The following ARHGEF4 variants were observed in gnomAD, a reference collection of about 807,000 sequenced individuals.
ARHGEF4 encodes the protein APC-stimulated guanine nucleotide exchange factor 1.
Under a neutral mutation model 162.0 loss-of-function variants are expected in ARHGEF4, and 119 were observed. The observed-to-expected ratio is 0.73, with a 90% CI of 0.63 to 0.86. ARHGEF4 has a LOEUF of 0.86. Ranked by LOEUF, ARHGEF4 falls within the 40% of genes least tolerant of loss-of-function variation. The probability of loss-of-function intolerance (pLI) is 0.00; values close to 1 mark genes in which losing one functional copy is unlikely to be tolerated. For missense variants in ARHGEF4, 2,488 were observed against 2,456.0 expected, an observed-to-expected ratio of 1.01 and a Z score of -0.28; for synonymous variants, 1,014 against 979.9, an observed-to-expected ratio of 1.03 and a Z score of -0.65.
At chr2:130,851,367 C>G (rs1198324489) in intron 1 of ARHGEF4, among the ~76,000 whole-genome samples, 1 of 152,272 alleles carries the variant, frequency 6.6e-6, no homozygotes, top group Admixed American at 6.5e-5. Context: ...TGCTGGTGCT[C>G]ACACTGTTGT....
intron 1 of ARHGEF4, among the ~76,000 whole-genome samples, chr2:130,889,694 C>G (rs1679739424): frequency 6.6e-6 from 1 of 151,248 alleles, no homozygotes; most frequent in African/African-American, 2.4e-5. Context: ...CATCTGTAAT[C>G]CCAGCTACTC....
Position 130,852,665 on chromosome 2 carries a change from CAGG to C in ARHGEF4, c.39+15679_39+15681del, listed in dbSNP as rs548501639. ...ACGATGTGCAGAACTCCAAGAGTCT[CAGG>C]AGGAGACCGCAGGATGGGAGAGAGA... On this transcript the variant is annotated intron_variant, in intron 1 of 13. Coordinates refer to ENST00000409359, the MANE Select transcript of ARHGEF4 (RefSeq NM_001367493.1). Among the ~76,000 whole-genome samples the C allele has an allele frequency of 4.6e-5, 7 of 152,324 alleles. No homozygotes were observed. The East Asian group carries it at 1.4e-3, about 29-fold the overall frequency.
At chr2:130,853,694 C>G (rs1681571030) in intron 1 of ARHGEF4, among the ~76,000 whole-genome samples, 1 of 152,218 alleles carries the variant, frequency 6.6e-6, no homozygotes, top group Non-Finnish European at 1.5e-5. Context: ...ATGGTGCGGT[C>G]TGCCCCTCTC....
In ARHGEF4 at chr2:130,916,737, C is replaced by T. The variant is rs1273859150; in HGVS notation, c.2791C>T (p.His931Tyr). Residue 931 changes from histidine (H) to tyrosine (Y), a missense_variant, in exon 2 of 14, where the codon CAT becomes TAT. By Grantham distance (83) the His-to-Tyr change is moderately conservative (BLOSUM62 2). Around this residue, in one of 6 missense-constraint regions of ARHGEF4, gnomAD observed 1,642 missense variants for 1,481.5 expected, o/e 1.11. Coordinates refer to ENST00000409359, the MANE Select transcript of ARHGEF4 (RefSeq NM_001367493.1). Reference protein sequence around the residue: ...ESIVLEKENTHERSPSSPKGE... With the variant: ...ESIVLEKENTYERSPSSPKGE... Reference sequence around the variant, plus strand: ...AATAGTTCTAGAGAAAGAGAACACCCATGAACGTTCCCCAAGTTCTCCCAA... The same window carrying T: ...AATAGTTCTAGAGAAAGAGAACACCTATGAACGTTCCCCAAGTTCTCCCAA... 3 of 1,550,678 alleles carry T rather than the reference C, an allele frequency of 1.9e-6. No individual in the cohort carries two copies. In the Admixed American group the frequency reaches 5.9e-5, roughly 30 times the overall value.
chr2:131,007,800 CTTTTTTTTTTT>C (rs70994731), intron 4 of ARHGEF4, among the ~76,000 whole-genome samples: 2 of 55,920 alleles, frequency 3.6e-5, no homozygotes, highest in African/African-American at 1.6e-4. Context: ...CTTTTCTTTT[CTTTTTTTTTTT>C]TTTTTTTTTT....
intron 1 of ARHGEF4, among the ~76,000 whole-genome samples, chr2:130,841,843 T>G (rs1372317980): frequency 5.9e-5 from 9 of 152,204 alleles, no homozygotes; most frequent in Non-Finnish European, 7.3e-5. Context: ...AGTTTCACTT[T>G]GTGGAGCCAC....
chr2:130,899,423 C>T (rs1315493612), intron 1 of ARHGEF4, among the ~76,000 whole-genome samples: 1 of 152,156 alleles, frequency 6.6e-6, no homozygotes, highest in African/African-American at 2.4e-5. Context: ...CAGGGCAGTT[C>T]CCTGGAGGAA....
rs1264939470 is a variant in ARHGEF4, at chr2:131,016,037, CCTT to C, written c.3986-11904_3986-11902del. On this transcript the variant is annotated intron_variant, in intron 4 of 13. Transcript: ENST00000409359. Reference sequence around the variant, plus strand: ...CCCCGGGAGCCTCACCTCTCACCCTCCTTCTTGCTTCTCACTCTACTCCAGCCA... The same window carrying C: ...CCCCGGGAGCCTCACCTCTCACCCTCCTTGCTTCTCACTCTACTCCAGCCA... Among the ~76,000 whole-genome samples, 4 of 152,132 alleles carry C rather than the reference CCTT, an allele frequency of 2.6e-5. No homozygotes were observed. The East Asian group carries it at 7.7e-4, about 29-fold the overall frequency.
chr2:131,025,556 T>C (rs780077474), intron 4 of ARHGEF4, among the ~76,000 whole-genome samples: 5 of 152,248 alleles, frequency 3.3e-5, no homozygotes, highest in Non-Finnish European at 7.3e-5. Context: ...TGTTCAAGTG[T>C]TCATCCTTCC....
intron 3 of ARHGEF4, among the ~76,000 whole-genome samples, chr2:130,941,267 C>T (rs867882173): frequency 4.0e-5 from 6 of 149,240 alleles, no homozygotes; most frequent in East Asian, 2.0e-4. Flanking sequence ...AGTGCAGTGG[C>T]GTGATCTCAG....
intron 4 of ARHGEF4, among the ~76,000 whole-genome samples, chr2:130,968,079 A>G (rs1685116042): frequency 6.6e-6 from 1 of 152,184 alleles, no homozygotes; most frequent in Non-Finnish European, 1.5e-5. Context: ...AGGTCAGACT[A>G]ATACAGTGTA....
chr2:130,883,050 C>A (rs1388379221), intron 1 of ARHGEF4, among the ~76,000 whole-genome samples: 1 of 152,058 alleles, frequency 6.6e-6, no homozygotes, highest in Non-Finnish European at 1.5e-5. Flanking sequence ...ATCTCCTGTC[C>A]CCTTTCTACC....
At chr2:130,937,736 C>T (rs927396492) in intron 3 of ARHGEF4, among the ~76,000 whole-genome samples, 4 of 149,630 alleles carry the variant, frequency 2.7e-5, no homozygotes, top group Non-Finnish European at 4.4e-5. Context: ...GGTGCGATCT[C>T]GGCTCACTGC....
intron 4 of ARHGEF4, among the ~76,000 whole-genome samples, chr2:131,024,739 TA>T (rs1044948673): frequency 2.6e-5 from 4 of 152,188 alleles, no homozygotes; most frequent in African/African-American, 9.7e-5. Flanking sequence ...CAGATGAAAT[TA>T]TATTGTATCT....
At chr2:130,837,556 G>T (rs770364720) in intron 1 of ARHGEF4, 15 of 441,588 alleles carry the variant, frequency 3.4e-5, no homozygotes, top group Non-Finnish European at 5.4e-5. Flanking sequence ...TCTCTGGCCC[G>T]ATTTCCGGGC....
chr2:130,881,172 C>T (rs766561934), intron 1 of ARHGEF4, among the ~76,000 whole-genome samples: 2 of 152,060 alleles, frequency 1.3e-5, no homozygotes, highest in Non-Finnish European at 2.9e-5. Context: ...GCTGGGACTA[C>T]GTGCACCACC....
intron 4 of ARHGEF4, among the ~76,000 whole-genome samples, chr2:130,986,076 CGT>C (rs1373365103): frequency 1.4e-4 from 21 of 149,474 alleles, no homozygotes; most frequent in Non-Finnish European, 2.7e-4. Context: ...GTGTGCATGA[CGT>C]GTTTTGTGTG....
At chr2:130,853,632 G>C (rs1360210261) in intron 1 of ARHGEF4, among the ~76,000 whole-genome samples, 3 of 152,142 alleles carry the variant, frequency 2.0e-5, no homozygotes, top group Non-Finnish European at 4.4e-5. Context: ...TGTGCACATC[G>C]GTGTCCAGGA....
rs920224264 is a variant in ARHGEF4 at position 131,038,847 on chromosome 2, C to T, written c.4126-6C>T. 8 of 1,600,038 alleles carry T rather than the reference C, an allele frequency of 5.0e-6. No individual in the cohort carries two copies. In the African/African-American group the frequency reaches 8.0e-5, roughly 16 times the overall value. On this transcript the variant is annotated splice_polypyrimidine_tract_variant and splice_region_variant and intron_variant, in intron 5 of 13. Coordinates refer to ENST00000409359, the MANE Select transcript of ARHGEF4 (RefSeq NM_001367493.1). ...CTGACCCGCCTGCCCGTGGCTCTCT[C>T]GGCAGCTCATCAGCGATGGCAGTGT... is the stretch of plus-strand genomic sequence containing the variant.
Sources: allele counts gnomAD v4.1 joint callset (sites outside exome capture counted in the v4.1 genomes callset), GRCh38; gene constraint gnomAD v4.1.1; regional missense constraint gnomAD v4.1.1; transcripts MANE v1.5; gene names NCBI Gene and HGNC (gene_info 2026-07-23, HGNC 2026-07-21).